HIRA: variants seen among roughly 807,000 people sequenced by gnomAD.
HIRA encodes the protein protein HIRA.
A neutral mutation model predicts 126.6 loss-of-function variants in HIRA; 13 were observed. That is an observed-to-expected ratio of 0.10 (90% CI 0.07 to 0.16). HIRA has a LOEUF of 0.16. Ranked by LOEUF, HIRA falls within the 10% of genes least tolerant of loss-of-function variation. The probability of loss-of-function intolerance (pLI) is 1.00; values close to 1 mark genes in which losing one functional copy is unlikely to be tolerated. For synonymous variants in HIRA, 511 were observed against 520.0 expected, an observed-to-expected ratio of 0.98 and a Z score of 0.24; for missense variants, 834 against 1,314.4, an observed-to-expected ratio of 0.63 and a Z score of 5.65.
At chr22:19,425,533 C>T (rs2089482183) in intron 1 of HIRA, among the ~76,000 whole-genome samples, 1 of 152,164 alleles carries the variant, frequency 6.6e-6, no homozygotes, top group Non-Finnish European at 1.5e-5. Flanking sequence ...TGGTCAAGGC[C>T]AGACGCTCCT....
At chr22:19,366,039 A>C (rs1458292558) in intron 15 of HIRA, 2 of 150,620 alleles carry the variant, frequency 1.3e-5, no homozygotes, top group African/African-American at 4.9e-5. Flanking sequence ...GCAAGACACT[A>C]TCTCTTAAAT....
chr22:19,377,572 C>A (rs1212952139), intron 14 of HIRA, among the ~76,000 whole-genome samples: 1 of 147,602 alleles, frequency 6.8e-6, no homozygotes, highest in East Asian at 2.1e-4. Flanking sequence ...TGTAGAGCTG[C>A]CAGGTGGGGC....
chr22:19,366,018 TGGGC>T (rs2088909141), intron 15 of HIRA: 1 of 152,286 alleles, frequency 6.6e-6, no homozygotes, highest in Non-Finnish European at 1.5e-5. Flanking sequence ...CACTCCAGCC[TGGGC>T]AACATAGCAA....
intron 9 of HIRA, among the ~76,000 whole-genome samples, 190 bp downstream of exon 9, chr22:19,391,911 C>T (rs887653864): frequency 8.5e-5 from 13 of 152,222 alleles, no homozygotes; most frequent in Non-Finnish European, 1.6e-4. Context: ...TGGCTGGGCA[C>T]AGACCCAGTC....
chr22:19,382,771 CTTTTTTTTTTTTT>C (rs796469831), intron 13 of HIRA, among the ~76,000 whole-genome samples: 1 of 102,126 alleles, frequency 9.8e-6, no homozygotes, highest in Non-Finnish European at 1.7e-5. Context: ...ATTTTTCTTT[CTTTTTTTTTTTTT>C]TTTTGAATCA....
At chr22:19,344,658 C>T (rs1372749622) in intron 24 of HIRA, among the ~76,000 whole-genome samples, 2 of 152,100 alleles carry the variant, frequency 1.3e-5, no homozygotes, top group Non-Finnish European at 2.9e-5. Context: ...ATTACCCTGA[C>T]AAAGCTAGAC....
Position 19,389,995 on chromosome 22 carries a change from GAAA to G in HIRA, c.937-1444_937-1442del, listed in dbSNP as rs66853562. ...TTATAGGGACACTTTTTTACAAAAT[GAAA>G]AAAAAAAAAAATTAATGTGTGTGCA... is the stretch of plus-strand genomic sequence containing the variant. On this transcript the variant is annotated intron_variant, in intron 9 of 24. Coordinates refer to ENST00000263208, the MANE Select transcript of HIRA (RefSeq NM_003325.4). 2.3e-4 allele frequency among the ~76,000 whole-genome samples: 33 copies of G among 142,424 alleles called. 1 individual carries two copies. The highest frequency in any genetic ancestry group is 8.4e-4 in the African/African-American group (32 of 38,276). 93.4% of individuals were successfully genotyped at this position (142,424 alleles called of 152,430 possible).
intron 15 of HIRA, among the ~76,000 whole-genome samples, chr22:19,366,272 G>T (rs2088912029): frequency 6.6e-6 from 1 of 151,716 alleles, no homozygotes; most frequent in Admixed American, 6.6e-5. Context: ...TGAGGCAGGA[G>T]AATGGCGTGA....
intron 15 of HIRA, among the ~76,000 whole-genome samples, chr22:19,366,390 A>G (rs982440632): frequency 3.3e-5 from 5 of 152,220 alleles, no homozygotes; most frequent in African/African-American, 1.2e-4. Context: ...TTTGTAAGCT[A>G]TATCAGATTC....
intron 18 of HIRA, 134 bp from the exon 19 acceptor site, chr22:19,357,185 A>C: frequency 9.7e-7 from 1 of 1,029,144 alleles, no homozygotes; most frequent in Non-Finnish European, 1.5e-6. Flanking sequence ...CCAGAAGGGA[A>C]GGTGGATTGG....
At position 19,358,629 on chromosome 22, in the gene HIRA, C is replaced by T. The variant is rs146853561; in HGVS notation, c.2234+707G>A. 1.3e-3 allele frequency among the ~76,000 whole-genome samples: 203 copies of T among 152,254 alleles called. 1 individual carries two copies. The highest frequency in any genetic ancestry group is 4.5e-3 in the African/African-American group (189 of 41,546). ...AAACACAAAACTCACTCAGGGCCCA[C>T]GAGAATTGTGGTCTAAGACCTAAGG... On this transcript the variant is annotated intron_variant, in intron 18 of 24. Transcript: ENST00000263208.
intron 4 of HIRA, among the ~76,000 whole-genome samples, chr22:19,406,205 A>G (rs1053182348): frequency 6.6e-6 from 1 of 152,248 alleles, no homozygotes; most frequent in African/African-American, 2.4e-5. Flanking sequence ...CTATGCATGG[A>G]AAATGGATTA....
At chr22:19,377,366 G>C (rs894490117) in intron 14 of HIRA, among the ~76,000 whole-genome samples, 1 of 152,230 alleles carries the variant, frequency 6.6e-6, no homozygotes, top group African/African-American at 2.4e-5. Context: ...GTGCTTGCCT[G>C]GTTCTTTCTG....
At chr22:19,355,620 G>A (rs2088804097) in intron 21 of HIRA, 140 bp downstream of exon 21, 1 of 634,430 alleles carries the variant, frequency 1.6e-6, no homozygotes, top group Admixed American at 2.5e-5. Context: ...TGCACAGATA[G>A]TCAATGCAGC....
chr22:19,341,067 G>T (rs560167154), intron 24 of HIRA, among the ~76,000 whole-genome samples: 1 of 152,174 alleles, frequency 6.6e-6, no homozygotes, highest in African/African-American at 2.4e-5. Flanking sequence ...TGTAATTCCA[G>T]CACTTTGGGA....
intron 24 of HIRA, among the ~76,000 whole-genome samples, chr22:19,337,077 G>A (rs1351035806): frequency 6.6e-6 from 1 of 152,028 alleles, no homozygotes; most frequent in Admixed American, 6.6e-5. Flanking sequence ...GGCTTAAAAA[G>A]GCAGAACTTT....
At chr22:19,362,292 G>T (rs2088871193) in intron 15 of HIRA, among the ~76,000 whole-genome samples, 1 of 152,154 alleles carries the variant, frequency 6.6e-6, no homozygotes, top group Non-Finnish European at 1.5e-5. Flanking sequence ...CAACTGATCT[G>T]AGAGACAACT....
At chr22:19,394,858 A>C (rs1158759998) in intron 7 of HIRA, among the ~76,000 whole-genome samples, 1 of 152,210 alleles carries the variant, frequency 6.6e-6, no homozygotes, top group African/African-American at 2.4e-5. Context: ...TCTTCTGTGT[A>C]GCACCTGTTA....
intron 13 of HIRA, among the ~76,000 whole-genome samples, chr22:19,379,236 T>A (rs2089047846): frequency 6.6e-6 from 1 of 151,342 alleles, no homozygotes; most frequent in Non-Finnish European, 1.5e-5. Flanking sequence ...ATGGTCTCGA[T>A]CTCCTGACCT....
Sources: gnomAD v4.1 joint callset for allele counts (sites outside exome capture counted in the v4.1 genomes callset) on GRCh38, gnomAD v4.1.1 for gene constraint, MANE v1.5 for transcripts, NCBI Gene and HGNC (gene_info 2026-07-23, HGNC 2026-07-21) for gene names.